Variants in GPHN observed in about 807,000 individuals in gnomAD.
GPHN encodes gephyrin.
A neutral mutation model predicts 95.5 loss-of-function variants in GPHN; 17 were observed. The ratio of observed to expected loss-of-function variants is 0.18; its 90% confidence interval spans 0.12 to 0.27. GPHN has a LOEUF of 0.27. GPHN is among the 10% of genes least tolerant of loss of function. GPHN has a pLI of 1.00. For missense variants in GPHN, 660 were observed against 978.1 expected, an observed-to-expected ratio of 0.67 and a Z score of 4.34; for synonymous variants, 320 against 322.5, an observed-to-expected ratio of 0.99 and a Z score of 0.08.
chr14:66,973,289 C>T (rs1567168813), intron 9 of GPHN, among the ~76,000 whole-genome samples: 5 of 152,142 alleles, frequency 3.3e-5, no homozygotes. Context: ...CAGGGAACAC[C>T]TACACCTCTC....
chr14:66,754,208 C>G (rs2058478319), intron 2 of GPHN, among the ~76,000 whole-genome samples: 1 of 151,852 alleles, frequency 6.6e-6, no homozygotes, highest in Non-Finnish European at 1.5e-5. Context: ...TTTTATTTCT[C>G]TTAGATAAGT....
At chr14:66,601,837 T>C (rs903548946) in intron 1 of GPHN, among the ~76,000 whole-genome samples, 2 of 152,004 alleles carry the variant, frequency 1.3e-5, no homozygotes, top group African/African-American at 4.8e-5. Context: ...TTTTGTAATA[T>C]ACTCATCATG....
chr14:67,397,934 A>T, the GPHN span: 1 of 852,486 alleles, frequency 1.2e-6, no homozygotes, highest in Admixed American at 2.9e-5. Flanking sequence ...TGTGGAAATC[A>T]GTCTCCAAGG....
chr14:67,168,681 G>A (rs764055615), intron 20 of GPHN, among the ~76,000 whole-genome samples: 4 of 152,064 alleles, frequency 2.6e-5, no homozygotes, highest in Admixed American at 6.6e-5. Context: ...TCAGGAAAGC[G>A]GAAATAAATG....
chr14:66,793,888 T>A (rs1378495788), intron 3 of GPHN, among the ~76,000 whole-genome samples: 1 of 152,058 alleles, frequency 6.6e-6, no homozygotes, highest in East Asian at 1.9e-4. Flanking sequence ...AAGAGACATA[T>A]AGAAAACATA....
chr14:67,599,948 C>T, the GPHN span: 1 of 1,286,788 alleles, frequency 7.8e-7, no homozygotes, highest in Non-Finnish European at 1.1e-6. Context: ...GGTCCGGGCT[C>T]GACCAAAGAC....
chr14:66,555,607 T>C (rs2059980382), intron 1 of GPHN, among the ~76,000 whole-genome samples: 1 of 152,142 alleles, frequency 6.6e-6, no homozygotes. Context: ...CATTGTAAAG[T>C]TCAGCGATAA....
intron 3 of GPHN, among the ~76,000 whole-genome samples, chr14:66,817,625 A>G (rs2061029340): frequency 6.6e-6 from 1 of 152,104 alleles, no homozygotes; most frequent in South Asian, 2.1e-4. Flanking sequence ...CAGCCACATG[A>G]GTCTAAGGTC....
At chr14:67,164,228 C>A (rs1207121459) in intron 19 of GPHN, among the ~76,000 whole-genome samples, 1 of 131,790 alleles carries the variant, frequency 7.6e-6, no homozygotes, top group East Asian at 2.5e-4. Context: ...AGATCACACC[C>A]TTGCACGCTA....
chr14:67,117,565 A>G (rs2078762925), intron 16 of GPHN, among the ~76,000 whole-genome samples: 1 of 152,172 alleles, frequency 6.6e-6, no homozygotes, highest in Non-Finnish European at 1.5e-5. Flanking sequence ...CTAACCCTGA[A>G]ACCTAACAAG....
At chr14:67,111,759 T>C in intron 14 of GPHN, 102 bp from the exon 15 acceptor site, 1 of 853,890 alleles carries the variant, frequency 1.2e-6, no homozygotes, top group East Asian at 2.4e-5. Context: ...TTGTCTATAT[T>C]TGTATATATC....
chr14:67,363,300 G>A, the GPHN span, among the ~76,000 whole-genome samples: 1 of 150,112 alleles, frequency 6.7e-6, no homozygotes, highest in South Asian at 2.1e-4. Flanking sequence ...CTCTTTATTT[G>A]CTAAATCCCT....
chr14:66,683,415 T>TATATATATTCATATATATATATGTTC (rs1566813122), intron 2 of GPHN, among the ~76,000 whole-genome samples: 2 of 76,206 alleles, frequency 2.6e-5, no homozygotes, highest in East Asian at 6.8e-4. Flanking sequence ...TATATGTTCA[T>TATATATATTCATATATATATATGTTC]ATATATATAT....
At chr14:67,353,529 C>T in the GPHN span, among the ~76,000 whole-genome samples, 1 of 151,948 alleles carries the variant, frequency 6.6e-6, no homozygotes, top group East Asian at 1.9e-4. Context: ...ACTGTGAGGC[C>T]CAGGCTGGAG....
chr14:66,531,622 G>A (rs1235001258), intron 1 of GPHN, among the ~76,000 whole-genome samples: 1 of 152,074 alleles, frequency 6.6e-6, no homozygotes, highest in Non-Finnish European at 1.5e-5. Context: ...TTATTTTATT[G>A]TTTTTCTGTC....
chr14:67,313,377 T>G, the GPHN span, among the ~76,000 whole-genome samples: 1 of 152,324 alleles, frequency 6.6e-6, no homozygotes, highest in South Asian at 2.1e-4. Flanking sequence ...TACACAAACC[T>G]AGATGATATA....
At chr14:67,573,462 G>A in the GPHN span, 3 of 1,006,130 alleles carry the variant, frequency 3.0e-6, no homozygotes, top group East Asian at 4.9e-5. This position sits in a 1 kb window ranked among gnomAD's most constrained non-coding sequence, Gnocchi z 4.8. Flanking sequence ...ATGGGACGGA[G>A]GAGGGGGAAT....
intron 17 of GPHN, among the ~76,000 whole-genome samples, chr14:67,132,564 AT>A (rs2079787755): frequency 6.6e-6 from 1 of 152,052 alleles, no homozygotes; most frequent in Admixed American, 6.6e-5. Context: ...AACAAAGAAC[AT>A]TCTTTCTACC....
intron 8 of GPHN, among the ~76,000 whole-genome samples, chr14:66,944,261 A>AAC (rs2067605599): frequency 6.6e-6 from 1 of 152,218 alleles, no homozygotes; most frequent in Admixed American, 6.5e-5. Flanking sequence ...AAGGCGGTTC[A>AAC]TGGAGGGGAA....
Sources: allele counts gnomAD v4.1 joint callset (sites outside exome capture counted in the v4.1 genomes callset), GRCh38; gene constraint gnomAD v4.1.1; non-coding constraint Gnocchi (gnomAD v3.1); transcripts MANE v1.5; gene names NCBI Gene and HGNC (gene_info 2026-07-23, HGNC 2026-07-21).